RANBP3L: variants seen among roughly 807,000 people sequenced by gnomAD.
RANBP3L encodes ran-binding protein 3-like.
In RANBP3L, 56 loss-of-function variants were observed where a neutral mutation model predicts 67.2. The ratio of observed to expected loss-of-function variants is 0.83; its 90% CI spans 0.67 to 1.04. The LOEUF (loss-of-function observed/expected upper bound fraction) is 1.04, where lower values mean the gene tolerates loss of function less well. RANBP3L is among the 50% of genes least tolerant of loss of function. The pLI is 0.00. For missense variants in RANBP3L, 496 were observed against 535.5 expected (o/e 0.93, Z 0.73); for synonymous variants, 164 against 181.4 (o/e 0.90, Z 0.77).
At chr5:36,300,830 CCTGA>C (rs1752560212) in intron 1 of RANBP3L, among the ~76,000 whole-genome samples, 1 of 152,038 alleles carries the variant, frequency 6.6e-6, no homozygotes, top group Non-Finnish European at 1.5e-5. Flanking sequence ...GACACTTTTC[CCTGA>C]CTGTCTCCAG....
At chr5:36,272,853 C>T (rs768099272) in intron 1 of RANBP3L, among the ~76,000 whole-genome samples, 4 of 152,032 alleles carry the variant, frequency 2.6e-5, no homozygotes, top group Admixed American at 2.0e-4. Flanking sequence ...ATGTTGGCCA[C>T]GCTGGTCTCG....
At chr5:36,265,143 A>G (rs1451265709) in intron 5 of RANBP3L, 45 bp from the exon 6 acceptor site, 8 of 1,200,710 alleles carry the variant, frequency 6.7e-6, no homozygotes, top group Non-Finnish European at 9.4e-6. Flanking sequence ...TTACTGAAAT[A>G]TTCCTTTACT....
At chr5:36,267,473 A>T in intron 4 of RANBP3L, among the ~76,000 whole-genome samples, 1 of 151,666 alleles carries the variant, frequency 6.6e-6, no homozygotes, top group East Asian at 1.9e-4. Context: ...ACGCCATTGC[A>T]CTCTAGCCTG....
intron 1 of RANBP3L, 76 bp downstream of exon 1, chr5:36,301,250 C>T (rs1159543874): frequency 2.7e-6 from 3 of 1,111,624 alleles, no homozygotes; most frequent in East Asian, 2.4e-5. Context: ...GGTCCTTCAC[C>T]AGCCCACCAT....
intron 1 of RANBP3L, among the ~76,000 whole-genome samples, chr5:36,295,212 T>G (rs980564138): frequency 7.2e-5 from 11 of 152,180 alleles, no homozygotes; most frequent in Non-Finnish European, 1.3e-4. Context: ...GATATGGTTT[T>G]GCTGAGTCCC....
chr5:36,251,906 G>A (rs1748621839), intron 12 of RANBP3L, among the ~76,000 whole-genome samples: 1 of 152,022 alleles, frequency 6.6e-6, no homozygotes, highest in African/African-American at 2.4e-5. Flanking sequence ...TAGCTTTGTG[G>A]ATATGCTGAG....
At chr5:36,268,184 CTT>C in intron 4 of RANBP3L, 1 of 1,518,444 alleles carries the variant, frequency 6.6e-7, no homozygotes, top group Non-Finnish European at 8.9e-7. Context: ...TCTAGAAACT[CTT>C]TATTACCTGG....
At chr5:36,288,086 G>A (rs539660726) in intron 1 of RANBP3L, among the ~76,000 whole-genome samples, 1 of 152,266 alleles carries the variant, frequency 6.6e-6, no homozygotes, top group South Asian at 2.1e-4. Flanking sequence ...TGACAAATGT[G>A]TGTGCACAAG....
intron 4 of RANBP3L, chr5:36,268,378 C>A (rs1023455546): frequency 1.2e-5 from 7 of 576,090 alleles, no homozygotes; most frequent in Admixed American, 7.5e-5. Context: ...TTAGAAAAAT[C>A]TTTTTATTTC....
Position 36,295,839 on chromosome 5 carries a change from G to A in RANBP3L, c.91+5487C>T, listed in dbSNP as rs113398941. Among the ~76,000 whole-genome samples, 632 of 151,916 alleles carry A rather than the reference G, an allele frequency of 4.2e-3. 2 individuals are homozygous for A. Among genetic ancestry groups the A allele is most frequent in the African/African-American group, 0.014 (584 of 41,404 alleles). On this transcript the variant is annotated intron_variant, in intron 1 of 13. Coordinates refer to ENST00000296604, the MANE Select transcript of RANBP3L (RefSeq NM_145000.5). ...ATCCTTACATAGTTCCAAGGAAGGG[G>A]CTGTCACATCAAAAAGCCCAAACAT...
chr5:36,264,848 C>T (rs1561108987), intron 6 of RANBP3L, 111 bp downstream of exon 6: 3 of 936,004 alleles, frequency 3.2e-6, no homozygotes, highest in Non-Finnish European at 4.9e-6. Context: ...TCTAGCCCAA[C>T]AACAAAACAA....
At chr5:36,290,387 T>G (rs536114807) in intron 1 of RANBP3L, among the ~76,000 whole-genome samples, 220 of 151,912 alleles carry the variant, frequency 1.4e-3, no homozygotes, top group African/African-American at 5.1e-3. Flanking sequence ...TGGCTAATTT[T>G]TGTATTTTTA....
At chr5:36,268,127 C>T in intron 4 of RANBP3L, 1 of 1,064,994 alleles carries the variant, frequency 9.4e-7, no homozygotes, top group South Asian at 1.7e-5. Context: ...AAAGAAAAGT[C>T]ATCATTAATA....
At chr5:36,266,370 C>G (rs4869474) in intron 4 of RANBP3L, among the ~76,000 whole-genome samples, 133,449 of 152,192 alleles carry the variant, frequency 0.88, 59,651 homozygotes, top group Non-Finnish European at 0.97. Flanking sequence ...ATCTCCTCTT[C>G]ATTGCAAATT....
chr5:36,275,229 T>A (rs1274390718), intron 1 of RANBP3L, among the ~76,000 whole-genome samples: 1 of 152,208 alleles, frequency 6.6e-6, no homozygotes, highest in East Asian at 1.9e-4. Flanking sequence ...CTTTTATCCA[T>A]CATCTGGTCT....
chr5:36,271,892 T>C (rs1750241571), intron 1 of RANBP3L, among the ~76,000 whole-genome samples: 1 of 152,230 alleles, frequency 6.6e-6, no homozygotes, highest in Non-Finnish European at 1.5e-5. Flanking sequence ...ATTAATATTT[T>C]GTATTTTCTT....
intron 1 of RANBP3L, among the ~76,000 whole-genome samples, chr5:36,293,252 G>C (rs1394951728): frequency 3.1e-4 from 13 of 41,860 alleles, no homozygotes; most frequent in Non-Finnish European, 6.5e-4. Flanking sequence ...CATTGATTTT[G>C]TATCCTGAGA....
chr5:36,297,203 A>G (rs1004730665), intron 1 of RANBP3L, among the ~76,000 whole-genome samples: 1 of 152,126 alleles, frequency 6.6e-6, no homozygotes, highest in South Asian at 2.1e-4. Context: ...GCTAGAGAAA[A>G]ATGTTATTAA....
At chr5:36,288,276 T>C (rs1199605485) in intron 1 of RANBP3L, among the ~76,000 whole-genome samples, 1 of 152,212 alleles carries the variant, frequency 6.6e-6, no homozygotes, top group African/African-American at 2.4e-5. Flanking sequence ...AAAACATTTC[T>C]GAGATTCACC....
Sources: gnomAD v4.1 joint callset for allele counts (sites outside exome capture counted in the v4.1 genomes callset) on GRCh38, gnomAD v4.1.1 for gene constraint, MANE v1.5 for transcripts, NCBI Gene and HGNC (gene_info 2026-07-23, HGNC 2026-07-21) for gene names.